PLXDC2: variants seen among roughly 807,000 people sequenced by gnomAD.
The protein encoded by PLXDC2 is plexin domain containing 2.
Under a neutral mutation model 68.9 loss-of-function variants are expected in PLXDC2, and 40 were observed. The ratio of observed to expected loss-of-function variants is 0.58; its 90% CI spans 0.45 to 0.76. The LOEUF (loss-of-function observed/expected upper bound fraction) is 0.76. Among genes scored for constraint, PLXDC2 ranks in the 30% least tolerant of loss-of-function variants. The pLI, the probability that PLXDC2 is intolerant of heterozygous loss-of-function variation, is 0.00. For missense variants in PLXDC2, 644 were observed against 661.9 expected (o/e 0.97, Z 0.30); for synonymous variants, 243 against 234.2 (o/e 1.04, Z -0.34).
intron 5 of PLXDC2, among the ~76,000 whole-genome samples, chr10:20,146,491 C>CCTTCCTTCCTTCCTTT (rs1834081910): frequency 1.1e-5 from 1 of 91,946 alleles, no homozygotes; most frequent in Non-Finnish European, 2.1e-5. Context: ...TTTTCTTTTT[C>CCTTCCTTCCTTCCTTT]CTTCCTTCCT....
At chr10:20,206,608 G>C (rs1834996365) in intron 9 of PLXDC2, among the ~76,000 whole-genome samples, 1 of 152,118 alleles carries the variant, frequency 6.6e-6, no homozygotes, top group Non-Finnish European at 1.5e-5. Context: ...GAGTGAGCAA[G>C]AGGCCTGAAT....
At chr10:20,158,310 G>A (rs115015564) in intron 6 of PLXDC2, among the ~76,000 whole-genome samples, 10 of 152,002 alleles carry the variant, frequency 6.6e-5, no homozygotes, top group African/African-American at 2.2e-4. Context: ...TATAAAATAC[G>A]TGATCATGAC....
chr10:20,208,015 T>TA (rs1230100775), intron 9 of PLXDC2, among the ~76,000 whole-genome samples: 7 of 151,718 alleles, frequency 4.6e-5, no homozygotes, highest in East Asian at 3.9e-4. Context: ...TTAAAAATAA[T>TA]AAAAAAAAGA....
At chr10:19,977,156 G>A (rs1370899915) in intron 1 of PLXDC2, among the ~76,000 whole-genome samples, 1 of 152,132 alleles carries the variant, frequency 6.6e-6, no homozygotes, top group Admixed American at 6.5e-5. Context: ...CTCGTATTGT[G>A]AAATGGGATG....
intron 13 of PLXDC2, among the ~76,000 whole-genome samples, chr10:20,252,476 A>G (rs1433544849): frequency 1.3e-5 from 2 of 152,220 alleles, no homozygotes; most frequent in Non-Finnish European, 2.9e-5. Context: ...GGTTCACATT[A>G]TATTTCTATT....
chr10:19,908,446 T>G (rs1482388516), intron 1 of PLXDC2, among the ~76,000 whole-genome samples: 1 of 150,752 alleles, frequency 6.6e-6, no homozygotes, highest in Non-Finnish European at 1.5e-5. Flanking sequence ...GATAATGTAC[T>G]GCTGAAAGTT....
At chr10:19,834,347 G>GAGAGAT (rs1211318423) in intron 1 of PLXDC2, among the ~76,000 whole-genome samples, 1 of 149,804 alleles carries the variant, frequency 6.7e-6, no homozygotes, top group African/African-American at 2.5e-5. Context: ...GAGAGAGAGA[G>GAGAGAT]AGAGAGAGTG....
intron 13 of PLXDC2, among the ~76,000 whole-genome samples, chr10:20,277,597 C>T (rs1836025225): frequency 6.6e-6 from 1 of 152,136 alleles, no homozygotes. Context: ...CATCTCCTAT[C>T]TCATTATGAA....
intron 4 of PLXDC2, among the ~76,000 whole-genome samples, chr10:20,131,443 A>G (rs1217937403): frequency 6.6e-6 from 1 of 152,094 alleles, no homozygotes; most frequent in East Asian, 1.9e-4. Flanking sequence ...CTTGTTGCCC[A>G]GGCTGGAGTG....
chr10:20,158,778 C>T (rs181730602), intron 6 of PLXDC2, among the ~76,000 whole-genome samples: 1 of 152,186 alleles, frequency 6.6e-6, no homozygotes, highest in African/African-American at 2.4e-5. Flanking sequence ...ACCCTGCAGA[C>T]TGGTCTCATG....
intron 1 of PLXDC2, among the ~76,000 whole-genome samples, chr10:19,920,666 T>C (rs72785833): frequency 0.046 from 6,991 of 152,158 alleles, 202 homozygotes; most frequent in Middle Eastern, 0.13. Flanking sequence ...CAAACAATCC[T>C]CCCACCTCAG....
chr10:19,931,342 C>A (rs1010461885), intron 1 of PLXDC2, among the ~76,000 whole-genome samples: 1 of 152,196 alleles, frequency 6.6e-6, no homozygotes, highest in African/African-American at 2.4e-5. Flanking sequence ...CTGCCTAAGA[C>A]CCAGGCTGTG....
intron 1 of PLXDC2, among the ~76,000 whole-genome samples, chr10:19,913,025 G>A (rs1408054802): frequency 6.6e-6 from 1 of 152,132 alleles, no homozygotes; most frequent in Non-Finnish European, 1.5e-5. Flanking sequence ...GTAGGTTCTA[G>A]TGTCCTAGAT....
At chr10:19,864,979 A>G (rs1359177016) in intron 1 of PLXDC2, among the ~76,000 whole-genome samples, 1 of 152,222 alleles carries the variant, frequency 6.6e-6, no homozygotes, top group Non-Finnish European at 1.5e-5. Context: ...GGTGAACTTC[A>G]TCAGTGTTCA....
chr10:19,974,007 C>T (rs142417282), intron 1 of PLXDC2, among the ~76,000 whole-genome samples: 70 of 152,212 alleles, frequency 4.6e-4, no homozygotes, highest in African/African-American at 1.6e-3. Context: ...ACTTTGATTA[C>T]GCTAAAAAGT....
intron 4 of PLXDC2, among the ~76,000 whole-genome samples, chr10:20,109,425 A>G (rs545069399): frequency 1.7e-3 from 256 of 152,164 alleles, no homozygotes; most frequent in African/African-American, 5.1e-3. Context: ...TATTTTTGTT[A>G]CTCCCTGAGA....
chr10:19,937,111 C>G (rs1320599410), intron 1 of PLXDC2, among the ~76,000 whole-genome samples: 1 of 152,142 alleles, frequency 6.6e-6, no homozygotes, highest in Non-Finnish European at 1.5e-5. Flanking sequence ...TAAAACTATC[C>G]TGATTTCCTT....
chr10:20,103,638 T>C (rs1292108080), intron 4 of PLXDC2, among the ~76,000 whole-genome samples: 2 of 118,866 alleles, frequency 1.7e-5, no homozygotes, highest in African/African-American at 4.7e-5. Context: ...CATCTTTTCT[T>C]TTTTTTTTTC....
At chr10:19,991,217 G>A (rs191691172) in intron 1 of PLXDC2, among the ~76,000 whole-genome samples, 1 of 149,248 alleles carries the variant, frequency 6.7e-6, no homozygotes, top group Admixed American at 6.7e-5. Context: ...TTGCACTCTA[G>A]CCTGGGCAAC....
Sources: allele counts gnomAD v4.1 joint callset (sites outside exome capture counted in the v4.1 genomes callset), GRCh38; gene constraint gnomAD v4.1.1; transcripts MANE v1.5; gene names NCBI Gene and HGNC (gene_info 2026-07-23, HGNC 2026-07-21).